The following PKD1L3 variants were observed in gnomAD, a reference collection of about 807,000 sequenced individuals.
PKD1L3 encodes polycystin-1-like protein 3.
A neutral mutation model predicts 184.1 loss-of-function variants in PKD1L3; 239 were observed. The observed-to-expected ratio is 1.30, with a 90% CI of 1.17 to 1.45. PKD1L3 has a LOEUF of 1.45. PKD1L3 is among the 40% of genes most tolerant of loss of function. The pLI is 0.00. For synonymous variants in PKD1L3, 996 were observed against 778.8 expected (o/e 1.28, Z -4.64); for missense variants, 2,660 against 2,067.2 (o/e 1.29, Z -5.56).
chr16:71,990,572 A>G (rs1384221544), intron 3 of PKD1L3, among the ~76,000 whole-genome samples: 3 of 152,004 alleles, frequency 2.0e-5, no homozygotes, highest in Non-Finnish European at 4.4e-5. Flanking sequence ...TATCTCTACT[A>G]AAAACATAAT....
At chr16:71,958,304 T>G (rs1366146749) in intron 16 of PKD1L3, among the ~76,000 whole-genome samples, 36 of 149,190 alleles carry the variant, frequency 2.4e-4, no homozygotes, top group African/African-American at 8.4e-4. Context: ...GGAGAATGGC[T>G]TGAACCCGGG....
intron 4 of PKD1L3, among the ~76,000 whole-genome samples, chr16:71,988,079 T>TTA (rs34751865): frequency 6.6e-6 from 1 of 152,076 alleles, no homozygotes; most frequent in Non-Finnish European, 1.5e-5. Context: ...ATGATTTCAC[T>TTA]TGTTTTCACG....
chr16:71,979,053 G>T (rs563940262), intron 9 of PKD1L3, among the ~76,000 whole-genome samples: 1 of 152,202 alleles, frequency 6.6e-6, no homozygotes, highest in African/African-American at 2.4e-5. Flanking sequence ...AATGCTACTT[G>T]TATTTGTCAG....
chr16:71,933,456 AAC>A lies in PKD1L3; in HGVS notation c.4888_4889del (p.Val1630CysfsTer38), dbSNP rs2038062499. ...YRTFFSSAVT[V>X]VGLLMGISHQ... is the part of the protein sequence containing the mutation. ...GAGAAATTCCCATCAGGAGACCAACAACAGTCACTGCTGAGCTGAAAAATGTC... is the reference window on the plus strand; with the variant it reads ...GAGAAATTCCCATCAGGAGACCAACAAGTCACTGCTGAGCTGAAAAATGTC... On this transcript the variant is annotated frameshift_variant, in exon 28 of 30. Transcript: ENST00000620267. LOFTEE classifies it high-confidence loss of function. 1.3e-6 allele frequency: 2 copies of A among 1,550,956 alleles called. No homozygotes were observed. The highest frequency in any genetic ancestry group is 2.0e-5 in the Admixed American group (1 of 50,972).
intron 24 of PKD1L3, among the ~76,000 whole-genome samples, chr16:71,940,253 T>C (rs1473311195): frequency 1.3e-5 from 2 of 152,176 alleles, no homozygotes; most frequent in African/African-American, 4.8e-5. Context: ...TGAGAGAATC[T>C]GGACTTGGGG....
At chr16:71,995,136 G>A (rs1252279752) in intron 2 of PKD1L3, among the ~76,000 whole-genome samples, 3 of 152,138 alleles carry the variant, frequency 2.0e-5, no homozygotes, top group Non-Finnish European at 1.5e-5. Context: ...CAAGAAGAAG[G>A]CACTGGCACT....
intron 18 of PKD1L3, 101 bp downstream of exon 18, chr16:71,952,793 G>C: frequency 8.0e-7 from 1 of 1,249,982 alleles, no homozygotes; most frequent in Non-Finnish European, 1.1e-6. Context: ...AGCCGAGGTT[G>C]CACCACTACA....
At chr16:71,968,227 C>G (rs894721656) in intron 13 of PKD1L3, among the ~76,000 whole-genome samples, 1 of 152,166 alleles carries the variant, frequency 6.6e-6, no homozygotes, top group Non-Finnish European at 1.5e-5. Context: ...TCAAGTGAAA[C>G]AGTCATAGAA....
chr16:71,968,295 G>A (rs1384798899), intron 13 of PKD1L3, among the ~76,000 whole-genome samples: 1 of 152,202 alleles, frequency 6.6e-6, no homozygotes, highest in Non-Finnish European at 1.5e-5. Context: ...CTTAGGTACA[G>A]TCACCAGATA....
intron 5 of PKD1L3, among the ~76,000 whole-genome samples, chr16:71,985,376 T>A (rs956818831): frequency 6.6e-6 from 1 of 152,074 alleles, no homozygotes; most frequent in Non-Finnish European, 1.5e-5. Flanking sequence ...AAAAAAAGCA[T>A]GAGGGAAGCA....
rs2040903765 is a variant in PKD1L3 at position 71,999,697 on chromosome 16, G to C, written c.282C>G (p.Asp94Glu). The stretch of plus-strand genomic sequence containing the variant: ...CCAGGGTCTTACCTGGGTATTTGTT[G>C]TCTTGATGCTTTTTCAATGGCATTA... ...QNVMPLKKHQ[D>E]NKYPADVAAN... The change falls in exon 1 of 30, where the codon GAC becomes GAG. Residue 94 changes from aspartate (D) to glutamate (E), a missense_variant. Transcript: ENST00000620267. The C allele has an allele frequency of 6.5e-7, 1 of 1,547,074 alleles. No individual in the cohort carries two copies. The highest frequency in any genetic ancestry group is 8.7e-7 in the Non-Finnish European group (1 of 1,144,150).
rs550694374 is a variant in PKD1L3 at position 71,960,728 on chromosome 16, G to A, written c.2612+2477C>T. 4.6e-5 allele frequency among the ~76,000 whole-genome samples: 7 copies of A among 152,248 alleles called. No homozygotes were observed. The East Asian group carries it at 1.4e-3, about 29-fold the overall frequency. On this transcript the variant is annotated intron_variant, in intron 16 of 29. Coordinates refer to ENST00000620267, the MANE Select transcript of PKD1L3 (RefSeq NM_181536.2). ...AAAATCACATTTCTGCAACAAAAAT[G>A]AGTATGTTTGAATAAATATGTCTAT...
intron 6 of PKD1L3, 148 bp downstream of exon 6, chr16:71,983,888 C>T (rs2040259363): frequency 1.8e-6 from 2 of 1,123,882 alleles, no homozygotes; most frequent in Non-Finnish European, 2.4e-6. Context: ...GTCTTGAACT[C>T]CTGGCCTCAT....
rs1567561177 is a variant in PKD1L3 at position 71,998,750 on chromosome 16, C to T, written c.296-356G>A. On this transcript the variant is annotated intron_variant, in intron 1 of 29. Coordinates refer to ENST00000620267, the MANE Select transcript of PKD1L3 (RefSeq NM_181536.2). Reference sequence around the variant, plus strand: ...ACAGGCGTGAGCCACCACACCCACCCTGCCAGGCATTTTTTAAAAGTAAAT... The same window carrying T: ...ACAGGCGTGAGCCACCACACCCACCTTGCCAGGCATTTTTTAAAAGTAAAT... Among the ~76,000 whole-genome samples the T allele has an allele frequency of 2.0e-5, 3 of 152,318 alleles. No individual in the cohort carries two copies. The East Asian group carries it at 5.8e-4, about 29-fold the overall frequency.
At chr16:71,996,253 C>CTTG in intron 2 of PKD1L3, among the ~76,000 whole-genome samples, 1 of 67,896 alleles carries the variant, frequency 1.5e-5, no homozygotes, top group East Asian at 4.9e-4. Context: ...CCTCCCCCGC[C>CTTG]TTTTTTTTTT....
intron 21 of PKD1L3, 144 bp downstream of exon 21, chr16:71,949,639 C>G: frequency 1.3e-6 from 1 of 760,770 alleles, no homozygotes; most frequent in Non-Finnish European, 2.1e-6. Flanking sequence ...ATGTGTGAGC[C>G]ACTACACCCA....
rs1453971858 is a variant in PKD1L3 at position 71,950,271 on chromosome 16, T to C, written c.3230A>G (p.His1077Arg). The C allele has an allele frequency of 3.9e-6, 6 of 1,547,670 alleles. No homozygotes were observed. Among genetic ancestry groups the C allele is most frequent in the Middle Eastern group, 1.7e-4 (1 of 5,962 alleles). Residue 1077 changes from histidine (H) to arginine (R), a missense_variant, in exon 20 of 30, where the codon CAT (histidine) becomes CGT (arginine). Transcript: ENST00000620267. The stretch of plus-strand genomic sequence containing the variant: ...AGATTTCAGCCTCTGCAGAACTCTA[T>C]GCAGGTAACAGCAGAAATGATGGTG... Reference protein sequence around the residue: ...ENHHHFCCYLHRVLQRLKSHL... With the variant: ...ENHHHFCCYLRRVLQRLKSHL...
chr16:71,945,396 A>ATATTTATT lies in PKD1L3; in HGVS notation c.3719-1234_3719-1227dup, dbSNP rs58831890. 4.3e-4 allele frequency among the ~76,000 whole-genome samples: 18 copies of ATATTTATT among 41,746 alleles called. No individual in the cohort carries two copies. In the East Asian group the frequency reaches 6.2e-3, roughly 14 times the overall value. The allele number at this position is 41,746 out of a possible 152,430, so 27.4% of individuals were successfully genotyped here. A position where few individuals can be genotyped will look rare whatever the true frequency, so the allele number is the denominator to read the frequency against. On this transcript the variant is annotated intron_variant, in intron 22 of 29. Transcript: ENST00000620267. ...CACGCACACACACATATATATATATATATTTATTTATTTATTTATTTATTT... is the reference window on the plus strand; with the variant it reads ...CACGCACACACACATATATATATATATATTTATTTATTTATTTATTTATTTATTTATTT...
At position 71,969,898 on chromosome 16, in the gene PKD1L3, T is replaced by C. The variant is rs2039645437; in HGVS notation, c.2161A>G (p.Lys721Glu). 1 of 1,550,146 alleles carries C rather than the reference T, an allele frequency of 6.5e-7. No individual in the cohort carries two copies. The highest frequency in any genetic ancestry group is 2.0e-5 in the Admixed American group (1 of 50,924). The change falls in exon 13 of 30, where the codon AAG becomes GAG. Residue 721 changes from lysine to glutamate, a missense_variant. Transcript: ENST00000620267. ...ACCTTCTGCATATCTGCTTGATCCT[T>C]TTTCCGAGCCCACACAACTGTGATC... is the stretch of plus-strand genomic sequence containing the variant. ...YVITVVWARK[K>E]DQADMQKVKV...
Sources: allele counts gnomAD v4.1 joint callset (sites outside exome capture counted in the v4.1 genomes callset), GRCh38; gene constraint gnomAD v4.1.1; transcripts MANE v1.5; gene names NCBI Gene and HGNC (gene_info 2026-07-23, HGNC 2026-07-21).